The following B3GALT1 variants were observed in gnomAD, a reference collection of about 807,000 sequenced individuals.
B3GALT1 encodes the protein beta-1,3-galactosyltransferase 1.
Under a neutral mutation model 23.2 loss-of-function variants are expected in B3GALT1, and 10 were observed. The ratio of observed to expected loss-of-function variants is 0.43; its 90% CI spans 0.27 to 0.73. The LOEUF is 0.73. Among genes scored for constraint, B3GALT1 ranks in the 30% least tolerant of loss-of-function variants. B3GALT1 has a pLI of 0.21. For missense variants in B3GALT1, 299 were observed against 405.4 expected, an observed-to-expected ratio of 0.74 and a Z score of 2.25; for synonymous variants, 156 against 141.5, an observed-to-expected ratio of 1.10 and a Z score of -0.73.
intron 2 of B3GALT1, among the ~76,000 whole-genome samples, chr2:167,603,320 A>T (rs1684906757): frequency 6.6e-6 from 1 of 152,198 alleles, no homozygotes; most frequent in South Asian, 2.1e-4. Flanking sequence ...ATACAGATAA[A>T]TGCCAACTCC....
At chr2:167,599,781 T>G (rs1684840376) in intron 2 of B3GALT1, among the ~76,000 whole-genome samples, 1 of 152,210 alleles carries the variant, frequency 6.6e-6, no homozygotes, top group Admixed American at 6.5e-5. Flanking sequence ...TGCTTCAGAA[T>G]TGAACAATTC....
intron 3 of B3GALT1, among the ~76,000 whole-genome samples, chr2:167,695,148 A>G (rs1309050542): frequency 6.6e-6 from 1 of 152,120 alleles, no homozygotes; most frequent in Non-Finnish European, 1.5e-5. Context: ...ATCAGAAGTA[A>G]GTTTTACTCT....
At chr2:167,387,960 C>T (rs1029801858) in intron 1 of B3GALT1, among the ~76,000 whole-genome samples, 1 of 152,154 alleles carries the variant, frequency 6.6e-6, no homozygotes, top group South Asian at 2.1e-4. Context: ...CCACCTATTA[C>T]ATCACTAATG....
At chr2:167,521,461 G>A (rs1252694390) in intron 2 of B3GALT1, among the ~76,000 whole-genome samples, 1 of 151,912 alleles carries the variant, frequency 6.6e-6, no homozygotes, top group African/African-American at 2.4e-5. Context: ...CTCTAGGTAT[G>A]TACTTACTTA....
At chr2:167,576,864 A>T (rs1180771800) in intron 2 of B3GALT1, among the ~76,000 whole-genome samples, 1 of 151,598 alleles carries the variant, frequency 6.6e-6, no homozygotes, top group Non-Finnish European at 1.5e-5. Flanking sequence ...TCTTCTTGCC[A>T]CCCTTGTGTG....
chr2:167,491,483 C>CTT (rs35378344), intron 2 of B3GALT1, among the ~76,000 whole-genome samples: 44,354 of 121,548 alleles, frequency 0.36, 7,977 homozygotes, highest in East Asian at 0.75. Context: ...TTTACTTTTG[C>CTT]TTTTTTTTTT....
intron 4 of B3GALT1, among the ~76,000 whole-genome samples, chr2:167,847,151 A>G (rs1023237251): frequency 1.3e-5 from 2 of 152,172 alleles, no homozygotes; most frequent in African/African-American, 4.8e-5. Flanking sequence ...GCAACACAAT[A>G]ATCATGGGGG....
At position 167,383,303 on chromosome 2, in the gene B3GALT1, A is replaced by C. The variant is rs546813314; in HGVS notation, c.-511+89969A>C. ...CTGAGTAACTTCTAATTGTAACAGA[A>C]ATAGTTATTCAAGAAAGGAGCTCCA... On this transcript the variant is annotated intron_variant, in intron 1 of 4. Coordinates refer to ENST00000392690, the MANE Select transcript of B3GALT1 (RefSeq NM_020981.4). Among the ~76,000 whole-genome samples the C allele has an allele frequency of 2.0e-4, 30 of 152,166 alleles. No homozygotes were observed. The South Asian group carries it at 6.2e-3, about 32-fold the overall frequency.
chr2:167,430,426 A>T (rs368887405), intron 1 of B3GALT1, among the ~76,000 whole-genome samples: 1 of 152,166 alleles, frequency 6.6e-6, no homozygotes, highest in East Asian at 1.9e-4. Context: ...ACTTGTAATG[A>T]CATACGTTAA....
intron 2 of B3GALT1, among the ~76,000 whole-genome samples, chr2:167,568,578 GTTGT>G (rs1419830437): frequency 6.6e-6 from 1 of 151,940 alleles, no homozygotes; most frequent in Non-Finnish European, 1.5e-5. Flanking sequence ...TTTTAATTGG[GTTGT>G]TTGTTTTCTT....
At chr2:167,538,493 AT>A (rs1188503549) in intron 2 of B3GALT1, among the ~76,000 whole-genome samples, 2 of 152,154 alleles carry the variant, frequency 1.3e-5, no homozygotes, top group Admixed American at 1.3e-4. Context: ...TAAGGGTGTG[AT>A]TTCAATCTCT....
intron 3 of B3GALT1, among the ~76,000 whole-genome samples, chr2:167,809,813 TCAGA>T (rs1400838977): frequency 6.6e-6 from 1 of 152,006 alleles, no homozygotes; most frequent in Non-Finnish European, 1.5e-5. Context: ...TTCAAGGCTG[TCAGA>T]CAGGGACATT....
At chr2:167,392,849 C>A (rs1437655680) in intron 1 of B3GALT1, among the ~76,000 whole-genome samples, 5 of 152,006 alleles carry the variant, frequency 3.3e-5, no homozygotes, top group African/African-American at 1.2e-4. Context: ...ATCTATAATC[C>A]ATATGATATT....
At chr2:167,760,433 CG>C (rs1558970622) in intron 3 of B3GALT1, among the ~76,000 whole-genome samples, 1 of 152,022 alleles carries the variant, frequency 6.6e-6, no homozygotes, top group Non-Finnish European at 1.5e-5. Context: ...ATGAAGACGC[CG>C]GATGTCACAG....
intron 3 of B3GALT1, among the ~76,000 whole-genome samples, chr2:167,779,776 T>G (rs1225278749): frequency 6.6e-6 from 1 of 152,230 alleles, no homozygotes; most frequent in Non-Finnish European, 1.5e-5. Flanking sequence ...CATTACATAT[T>G]GCATTGTTCT....
intron 2 of B3GALT1, among the ~76,000 whole-genome samples, chr2:167,500,470 A>T (rs17622668): frequency 0.01 from 1,590 of 152,152 alleles, 13 homozygotes; most frequent in Non-Finnish European, 0.015. Flanking sequence ...TTTGCAGCAA[A>T]TTCTCTTCCT....
chr2:167,296,755 T>A (rs1411316776), intron 1 of B3GALT1, among the ~76,000 whole-genome samples: 1 of 152,194 alleles, frequency 6.6e-6, no homozygotes, highest in Non-Finnish European at 1.5e-5. Flanking sequence ...TACACTATTG[T>A]ATGAATTCAA....
chr2:167,628,701 A>C (rs1685388323), intron 2 of B3GALT1, among the ~76,000 whole-genome samples: 1 of 151,766 alleles, frequency 6.6e-6, no homozygotes, highest in African/African-American at 2.4e-5. Flanking sequence ...ATAACAAAAA[A>C]GTGGAGGGTG....
At chr2:167,305,324 A>AT (rs1696533205) in intron 1 of B3GALT1, among the ~76,000 whole-genome samples, 1 of 152,020 alleles carries the variant, frequency 6.6e-6, no homozygotes, top group African/African-American at 2.4e-5. Context: ...TTCCTCATTC[A>AT]TTTTCTCAAC....
Sources: allele counts gnomAD v4.1 joint callset (sites outside exome capture counted in the v4.1 genomes callset), GRCh38; gene constraint gnomAD v4.1.1; transcripts MANE v1.5; gene names NCBI Gene and HGNC (gene_info 2026-07-23, HGNC 2026-07-21).